NCF2: variants seen among roughly 807,000 people sequenced by gnomAD.
The protein encoded by NCF2 is neutrophil cytosolic factor 2, also known as neutrophil cytosol factor 2.
Under a neutral mutation model 70.9 loss-of-function variants are expected in NCF2, and 45 were observed. The ratio of observed to expected loss-of-function variants is 0.63; its 90% CI spans 0.50 to 0.81. The LOEUF is 0.81. Among genes scored for constraint, NCF2 ranks in the 40% least tolerant of loss-of-function variants. NCF2 has a pLI of 0.00. For missense variants in NCF2, 522 were observed against 631.6 expected (o/e 0.83, Z 1.86); for synonymous variants, 203 against 233.6 (o/e 0.87, Z 1.19).
chr1:183,599,596 G>T, the NCF2 span, among the ~76,000 whole-genome samples: 1 of 149,844 alleles, frequency 6.7e-6, no homozygotes, highest in African/African-American at 2.5e-5. Context: ...GTGTCACCCA[G>T]GCTGGAATGC....
chr1:183,580,717 C>G (rs117874531), intron 2 of NCF2, among the ~76,000 whole-genome samples: 6,769 of 152,208 alleles, frequency 0.044, 343 homozygotes, highest in East Asian at 0.2. Flanking sequence ...TGGCTCGTGC[C>G]GGTAATCCCA....
At chr1:183,591,691 C>T (rs1274562454), upstream of NCF2, among the ~76,000 whole-genome samples, 1 of 152,116 alleles carries the variant, frequency 6.6e-6, no homozygotes, top group Non-Finnish European at 1.5e-5. Flanking sequence ...CCATGTTGGC[C>T]AGGCTGATGG....
intron 4 of NCF2, 82 bp downstream of exon 4, chr1:183,574,405 A>T: frequency 6.3e-7 from 1 of 1,591,880 alleles, no homozygotes; most frequent in South Asian, 1.1e-5. Context: ...CACCACTTTT[A>T]TGGCTTCTCA....
chr1:183,571,273 G>A (rs1187451178), intron 5 of NCF2, among the ~76,000 whole-genome samples: 1 of 151,842 alleles, frequency 6.6e-6, no homozygotes, highest in African/African-American at 2.4e-5. Context: ...ACCCGCCACT[G>A]TGCCCGGCTA....
At chr1:183,566,837 C>T (rs1459446384) in intron 9 of NCF2, 83 bp downstream of exon 9, 22 of 1,561,416 alleles carry the variant, frequency 1.4e-5, no homozygotes, top group East Asian at 2.2e-5. Flanking sequence ...CTGACAACAC[C>T]TCTTTTACAC....
intron 2 of NCF2, among the ~76,000 whole-genome samples, chr1:183,584,458 A>G (rs1406035079): frequency 6.6e-6 from 1 of 152,208 alleles, no homozygotes; most frequent in Non-Finnish European, 1.5e-5. Context: ...AACTATTAAT[A>G]TTACCAATCA....
At chr1:183,575,482 G>C (rs751502331) in intron 3 of NCF2, among the ~76,000 whole-genome samples, 2 of 152,118 alleles carry the variant, frequency 1.3e-5, no homozygotes, top group Non-Finnish European at 2.9e-5. Flanking sequence ...ACTTTTCCAG[G>C]TCTTGAGTTG....
chr1:183,576,310 C>T (rs1672797274), intron 3 of NCF2, among the ~76,000 whole-genome samples: 1 of 152,180 alleles, frequency 6.6e-6, no homozygotes, highest in African/African-American at 2.4e-5. Flanking sequence ...CCAGGGGAAA[C>T]ATTCCTCCCA....
the NCF2 span, among the ~76,000 whole-genome samples, chr1:183,596,628 A>G: frequency 6.7e-6 from 1 of 148,334 alleles, no homozygotes; most frequent in Non-Finnish European, 1.5e-5. Context: ...TACTAAAAAT[A>G]GTACTCAGGA....
intron 1 of NCF2, 100 bp from the exon 2 acceptor site, chr1:183,587,077 C>A: frequency 8.7e-7 from 1 of 1,152,270 alleles, no homozygotes; most frequent in Non-Finnish European, 1.3e-6. Context: ...TGGTGCCCAG[C>A]TCTGCTGTCT....
At chr1:183,586,523 A>G (rs36049229) in intron 2 of NCF2, among the ~76,000 whole-genome samples, 42 of 152,342 alleles carry the variant, frequency 2.8e-4, no homozygotes, top group Non-Finnish European at 4.9e-4. Flanking sequence ...GGATGAAGCC[A>G]GGTTTTGATG....
chr1:183,595,523 C>G (rs929000130), upstream of NCF2, among the ~76,000 whole-genome samples: 1 of 152,178 alleles, frequency 6.6e-6, no homozygotes, highest in Admixed American at 6.5e-5. Context: ...TGCTCAGGGT[C>G]TCACAAGGCT....
the NCF2 span, among the ~76,000 whole-genome samples, chr1:183,598,681 C>G: frequency 6.6e-6 from 1 of 152,216 alleles, no homozygotes; most frequent in African/African-American, 2.4e-5. Flanking sequence ...GAGATGGTGT[C>G]ATTTTCACAG....
At chr1:183,589,301 C>T (rs920432426) in intron 1 of NCF2, among the ~76,000 whole-genome samples, 10 of 152,112 alleles carry the variant, frequency 6.6e-5, no homozygotes, top group Admixed American at 5.9e-4. Flanking sequence ...TGAAGTTCCA[C>T]GAGACATTAA....
rs893464438 is a variant in NCF2 at position 183,569,179 on chromosome 1, C to T, written c.676G>A (p.Glu226Lys). 7 of 1,614,112 alleles carry T rather than the reference C, an allele frequency of 4.3e-6. No individual in the cohort carries two copies. The highest frequency in any genetic ancestry group is 5.9e-6 in the Non-Finnish European group (7 of 1,179,986). The change falls in exon 7 of 15, where the codon GAG becomes AAG. Residue 226 changes from glutamate (E) to lysine (K), a missense_variant. Physicochemically the swap from Glu to Lys is moderately conservative, Grantham distance 56 (BLOSUM62 1). Transcript: ENST00000367535. ...GGGGTTTTCGGTCTGGGTGGAGGCTCAGCTGCCTATTGAACATTCAGGAGA... is the reference window on the plus strand; with the variant it reads ...GGGGTTTTCGGTCTGGGTGGAGGCTTAGCTGCCTATTGAACATTCAGGAGA... ...GFAPLQPQAAEPPPRPKTPEI... is the reference protein window; with the variant it reads ...GFAPLQPQAAKPPPRPKTPEI...
rs1374770935 is a variant in NCF2 at position 183,574,526 on chromosome 1, G to C, written c.462C>G (p.Pro154=). The part of the protein sequence containing the change: ...LALATSMKSE[P]RHSKIDKAME... The stretch of plus-strand genomic sequence containing the variant: ...TCGCCTTGTCGATTTTGGAATGTCT[G>C]GGCTCAGACTTCATGCTCGTGGCCA... Residue 154 remains proline (P), a synonymous_variant, in exon 4 of 15, where the codon CCC becomes CCG. Coordinates refer to ENST00000367535, the MANE Select transcript of NCF2 (RefSeq NM_000433.4). 1 of 1,614,208 alleles carries C rather than the reference G, an allele frequency of 6.2e-7. No homozygotes were observed. Among genetic ancestry groups the C allele is most frequent in the South Asian group, 1.1e-5 (1 of 91,088 alleles).
intron 13 of NCF2, among the ~76,000 whole-genome samples, chr1:183,561,776 C>G (rs1296002436): frequency 8.0e-6 from 1 of 125,526 alleles, no homozygotes; most frequent in Non-Finnish European, 1.6e-5. Flanking sequence ...CCATACCAGG[C>G]CTCTTTTTTT....
At chr1:183,587,874 A>C (rs1673434567) in intron 1 of NCF2, among the ~76,000 whole-genome samples, 1 of 152,256 alleles carries the variant, frequency 6.6e-6, no homozygotes, top group Non-Finnish European at 1.5e-5. Context: ...TCTATATTTA[A>C]AATATAGTTA....
chr1:183,596,598 C>T, the NCF2 span, among the ~76,000 whole-genome samples: 1 of 151,824 alleles, frequency 6.6e-6, no homozygotes. Context: ...ATGGTGAAAC[C>T]CTGTCTCTAC....
Sources: allele counts gnomAD v4.1 joint callset (sites outside exome capture counted in the v4.1 genomes callset), GRCh38; gene constraint gnomAD v4.1.1; transcripts MANE v1.5; gene names NCBI Gene and HGNC (gene_info 2026-07-23, HGNC 2026-07-21).